Variants in SH2D2A observed in about 807,000 individuals in gnomAD.
The protein encoded by SH2D2A is SH2 domain containing 2A.
SH2D2A carries 33 observed loss-of-function variants against 43.6 expected under a neutral mutation model. The ratio of observed to expected loss-of-function variants is 0.76; its 90% CI spans 0.57 to 1.01. The LOEUF is 1.01. Among genes scored for constraint, SH2D2A ranks in the 50% least tolerant of loss-of-function variants. SH2D2A has a pLI of 0.00. For missense variants in SH2D2A, 491 were observed against 503.1 expected, an observed-to-expected ratio of 0.98 and a Z score of 0.23; for synonymous variants, 212 against 206.1, an observed-to-expected ratio of 1.03 and a Z score of -0.25.
At chr1:156,810,402 T>C (rs752985897) in intron 5 of SH2D2A, among the ~76,000 whole-genome samples, 22 of 152,240 alleles carry the variant, frequency 1.4e-4, no homozygotes, top group African/African-American at 5.3e-4. Flanking sequence ...CCTGTGGTTC[T>C]GAAAATGCAA....
At position 156,809,847 on chromosome 1, in the gene SH2D2A, G is replaced by A. The variant is rs375531581; in HGVS notation, c.568-40C>T. 2.7e-5 allele frequency: 43 copies of A among 1,608,374 alleles called. No homozygotes were observed. The highest frequency in any genetic ancestry group is 2.0e-4 in the South Asian group (18 of 90,606). On this transcript the variant is annotated intron_variant, in intron 5 of 8. Transcript: ENST00000368199. This position sits in a 1 kb window ranked among gnomAD's most constrained non-coding sequence, Gnocchi z 4.8. The stretch of plus-strand genomic sequence containing the variant: ...GGAGGTCTGAGGCACTCGGTGGAGC[G>A]TTGGGGTGGGGGAGGTGATCAGGAG...
chr1:156,815,745 GCA>G, intron 2 of SH2D2A: 1 of 1,491,178 alleles, frequency 6.7e-7, no homozygotes. Flanking sequence ...GGGACTCAAT[GCA>G]CTGCACCCTG....
At chr1:156,815,808 G>A (rs766829057) in intron 2 of SH2D2A, 198 bp downstream of exon 2, 1 of 1,614,120 alleles carries the variant, frequency 6.2e-7, no homozygotes, top group South Asian at 1.1e-5. Context: ...AGCAGTAAGG[G>A]AGTGAGTGGG....
intron 1 of SH2D2A, 126 bp downstream of exon 1, chr1:156,816,549 T>C: frequency 2.4e-6 from 2 of 823,534 alleles, no homozygotes; most frequent in Admixed American, 2.8e-5. Context: ...GCCAATCAGC[T>C]TTGCCAGCTC....
In SH2D2A at chr1:156,807,763, G is replaced by A. The variant is rs1201468208; in HGVS notation, c.1003-418C>T. Among the ~76,000 whole-genome samples the A allele has an allele frequency of 6.6e-6, 1 of 152,316 alleles. No homozygotes were observed. The highest frequency in any genetic ancestry group is 2.4e-5 in the African/African-American group (1 of 41,574). Reference sequence around the variant, plus strand: ...GATGAGGTTGCAGGAAGTTGCTATAGGCAGAGATACTGGCGGGTGCAAACC... The same window carrying A: ...GATGAGGTTGCAGGAAGTTGCTATAAGCAGAGATACTGGCGGGTGCAAACC... On this transcript the variant is annotated intron_variant, in intron 7 of 8. Transcript: ENST00000368199. This position sits in a 1 kb window ranked among gnomAD's most constrained non-coding sequence, Gnocchi z 5.1.
chr1:156,815,981 G>A (rs760259992), intron 2 of SH2D2A, 25 bp downstream of exon 2: 12 of 1,611,266 alleles, frequency 7.4e-6, no homozygotes, highest in Non-Finnish European at 1.0e-5. Flanking sequence ...GCTGCACCAC[G>A]CTGCCGCCCC....
Position 156,814,288 on chromosome 1 carries a change from T to A in SH2D2A, c.315A>T (p.Ala105=). ...WFHGFITRRE[A]ERLLEPKPQG... is the part of the protein sequence containing the mutation. ...GAGGCTTGGGCTCCAGCAGCCTCTC[T>A]GCCTCCCTGTGGGTGACGGAGAGAG... Residue 105 remains alanine (A), a synonymous_variant, in exon 4 of 9, where the codon GCA becomes GCT. Coordinates refer to ENST00000368199, the MANE Select transcript of SH2D2A (RefSeq NM_003975.4). 1 of 1,613,626 alleles carries A rather than the reference T, an allele frequency of 6.2e-7. No homozygotes were observed. The highest frequency in any genetic ancestry group is 8.5e-7 in the Non-Finnish European group (1 of 1,179,848).
chr1:156,809,447 G>A lies in SH2D2A; in HGVS notation c.758C>T (p.Pro253Leu), dbSNP rs1653234435. 3 of 1,611,812 alleles carry A rather than the reference G, an allele frequency of 1.9e-6. No individual in the cohort carries two copies. Among genetic ancestry groups the A allele is most frequent in the East Asian group, 2.2e-5 (1 of 44,856 alleles). ...TGTGTAGACTTCTGGGGGCAGCTGAGGTTTGGCGGGGATGGGAGGCTTGGG... is the reference window on the plus strand; with the variant it reads ...TGTGTAGACTTCTGGGGGCAGCTGAAGTTTGGCGGGGATGGGAGGCTTGGG... ...LRPKPPIPAK[P>L]QLPPEVYTIP... The change falls in exon 7 of 9, where the codon CCT becomes CTT. Residue 253 changes from proline (P) to leucine (L), a missense_variant. By Grantham distance (98) the Pro-to-Leu change is moderately conservative. Transcript: ENST00000368199. This position sits in a 1 kb window ranked among gnomAD's most constrained non-coding sequence, Gnocchi z 4.8.
chr1:156,815,006 G>C, intron 3 of SH2D2A, 31 bp downstream of exon 3: 2 of 1,444,256 alleles, frequency 1.4e-6, no homozygotes, highest in Non-Finnish European at 1.8e-6. Flanking sequence ...CCCTGCCCCT[G>C]TCTGGGCCAA....
At chr1:156,814,469 G>T in intron 3 of SH2D2A, 175 bp from the exon 4 acceptor site, 2 of 1,252,068 alleles carry the variant, frequency 1.6e-6, no homozygotes, top group Non-Finnish European at 2.2e-6. Context: ...TCCCGCTGCA[G>T]GGATTAGGCG....
rs752398873 is a variant in SH2D2A, at chr1:156,809,437, G to A, written c.768C>T (p.Pro256=). ...KPPIPAKPQL[P]PEVYTIPVPR... ...GAACAGGGATTGTGTAGACTTCTGGGGGCAGCTGAGGTTTGGCGGGGATGG... is the reference window on the plus strand; with the variant it reads ...GAACAGGGATTGTGTAGACTTCTGGAGGCAGCTGAGGTTTGGCGGGGATGG... Residue 256 remains proline (P), a synonymous_variant, in exon 7 of 9, where the codon CCC becomes CCT. Transcript: ENST00000368199. The surrounding 1 kb of genome is among the most constrained non-coding windows in gnomAD (Gnocchi z 4.8). The A allele has an allele frequency of 5.0e-6, 8 of 1,612,746 alleles. No individual in the cohort carries two copies. Among genetic ancestry groups the A allele is most frequent in the Admixed American group, 3.3e-5 (2 of 59,982 alleles).
intron 1 of SH2D2A, among the ~76,000 whole-genome samples, chr1:156,816,337 G>A (rs1653929220): frequency 6.6e-6 from 1 of 152,228 alleles, no homozygotes; most frequent in African/African-American, 2.4e-5. Context: ...GAGAGGCTGG[G>A]AGTCAGGCTG....
intron 7 of SH2D2A, among the ~76,000 whole-genome samples, chr1:156,808,425 G>A (rs925706582): frequency 2.0e-5 from 3 of 152,148 alleles, no homozygotes; most frequent in Non-Finnish European, 4.4e-5. Context: ...AAGTTTGGAC[G>A]GAGATATGGA....
intron 3 of SH2D2A, chr1:156,814,499 C>T (rs1571623267): frequency 1.0e-6 from 1 of 964,158 alleles, no homozygotes; most frequent in Non-Finnish European, 1.5e-6. Flanking sequence ...GCCAGGGGTC[C>T]CATTCAGGAG....
In SH2D2A at chr1:156,813,970, C is replaced by G. The variant is rs983369727; in HGVS notation, c.445G>C (p.Gly149Arg). Residue 149 changes from glycine to arginine, a missense_variant, in exon 5 of 9, where the codon GGG (glycine) becomes CGG (arginine). Coordinates refer to ENST00000368199, the MANE Select transcript of SH2D2A (RefSeq NM_003975.4). Reference sequence around the variant, plus strand: ...TCCTCGCCCAGCACCACGTGGCGCCCGTCCCTGAGCTGGGCCAGCAGGAAG... The same window carrying G: ...TCCTCGCCCAGCACCACGTGGCGCCGGTCCCTGAGCTGGGCCAGCAGGAAG... The part of the protein sequence containing the change: ...RHFLLAQLRD[G>R]RHVVLGEDSA... 1.8e-5 allele frequency: 27 copies of G among 1,528,654 alleles called. No individual in the cohort carries two copies. The highest frequency in any genetic ancestry group is 2.2e-5 in the Non-Finnish European group (25 of 1,141,006). 94.7% of individuals were successfully genotyped at this position (1,528,654 alleles called of 1,614,324 possible). A position where few individuals can be genotyped will look rare whatever the true frequency, so the allele number is the denominator to read the frequency against.
chr1:156,812,490 C>G (rs920062341), intron 5 of SH2D2A, among the ~76,000 whole-genome samples: 1 of 152,250 alleles, frequency 6.6e-6, no homozygotes, highest in African/African-American at 2.4e-5. Context: ...CCTGCTGTGC[C>G]TGCTGCCGAG....
chr1:156,809,475 T>C lies in SH2D2A; in HGVS notation c.730A>G (p.Arg244Gly). The change falls in exon 7 of 9, where the codon AGG (arginine) becomes GGG (glycine). Residue 244 changes from arginine to glycine, a missense_variant. Transcript: ENST00000368199. The surrounding 1 kb of genome is among the most constrained non-coding windows in gnomAD (Gnocchi z 4.8). Reference protein sequence around the residue: ...AGEKEPSQLLRPKPPIPAKPQ... With the variant: ...AGEKEPSQLLGPKPPIPAKPQ... The stretch of plus-strand genomic sequence containing the variant: ...TTGGCGGGGATGGGAGGCTTGGGCC[T>C]GAGCAGCTGGGAGGGCTGGGAGAGA... 1.2e-6 allele frequency: 2 copies of C among 1,604,384 alleles called. No individual in the cohort carries two copies. Among genetic ancestry groups the C allele is most frequent in the Non-Finnish European group, 1.7e-6 (2 of 1,175,358 alleles).
chr1:156,809,853 G>A lies in SH2D2A; in HGVS notation c.568-46C>T. ...CTGAGGCACTCGGTGGAGCGTTGGG[G>A]TGGGGGAGGTGATCAGGAGGACAAA... On this transcript the variant is annotated intron_variant, in intron 5 of 8. Coordinates refer to ENST00000368199, the MANE Select transcript of SH2D2A (RefSeq NM_003975.4). The surrounding 1 kb of genome is among the most constrained non-coding windows in gnomAD (Gnocchi z 4.8). 1 of 1,602,990 alleles carries A rather than the reference G, an allele frequency of 6.2e-7. No individual in the cohort carries two copies.
chr1:156,808,419 T>C (rs930802478), intron 7 of SH2D2A, among the ~76,000 whole-genome samples: 111 of 152,054 alleles, frequency 7.3e-4, no homozygotes, highest in East Asian at 3.9e-4. Context: ...GGAAAAAAGT[T>C]TGGACGGAGA....
Sources: gnomAD v4.1 joint callset for allele counts (sites outside exome capture counted in the v4.1 genomes callset) on GRCh38, gnomAD v4.1.1 for gene constraint, Gnocchi (gnomAD v3.1) non-coding constraint, MANE v1.5 for transcripts, NCBI Gene and HGNC (gene_info 2026-07-23, HGNC 2026-07-21) for gene names.